Variants in MT1F observed in about 807,000 individuals in gnomAD.
The protein encoded by MT1F is metallothionein 1F.
MT1F carries 6 observed loss-of-function variants against 5.4 expected under a neutral mutation model. That is an observed-to-expected ratio of 1.11 (90% CI 0.61 to 2.19). The LOEUF is 2.19. Ranked by LOEUF, MT1F falls within the 30% of genes most tolerant of loss-of-function variation. The pLI, the probability that MT1F is intolerant of heterozygous loss-of-function variation, is 0.00. For synonymous variants in MT1F, 28 were observed against 28.3 expected (o/e 0.99, Z 0.04); for missense variants, 82 against 77.0 (o/e 1.07, Z -0.24).
intron 1 of MT1F, chr16:56,658,444 A>G: frequency 1.7e-6 from 1 of 602,898 alleles, no homozygotes; most frequent in Non-Finnish European, 2.9e-6. Flanking sequence ...CCGTCTTCCC[A>G]GGCTGTGCCT....
chr16:56,658,788 G>A, intron 2 of MT1F, 48 bp downstream of exon 2: 1 of 1,610,202 alleles, frequency 6.2e-7, no homozygotes, highest in Non-Finnish European at 8.5e-7. Context: ...CTAAGGTTGG[G>A]ATGGAACCCA....
chr16:56,659,195 CAG>C lies in MT1F; in HGVS notation c.*37_*38del. The C allele has an allele frequency of 1.9e-6, 3 of 1,609,738 alleles. No individual in the cohort carries two copies. The highest frequency in any genetic ancestry group is 1.3e-5 in the African/African-American group (1 of 74,912). On this transcript the variant is annotated 3_prime_UTR_variant, in exon 3 of 3. Transcript: ENST00000334350. ...GGACAACCTTTCTCCCAGATGTAAA[CAG>C]AGAGACATGTACAAACCTGGATTTT... is the stretch of plus-strand genomic sequence containing the variant.
At chr16:56,658,520 AG>A in intron 1 of MT1F, 154 bp from the exon 2 acceptor site, 1 of 727,230 alleles carries the variant, frequency 1.4e-6, no homozygotes, top group Non-Finnish European at 2.3e-6. Context: ...ATGAAGGGAG[AG>A]GACATGGGGC....
At chr16:56,659,011 G>C (rs541703187) in intron 2 of MT1F, 62 bp from the exon 3 acceptor site, 478 of 1,456,746 alleles carry the variant, frequency 3.3e-4, no homozygotes, top group Non-Finnish European at 4.4e-4. Context: ...GGGGGCCTCT[G>C]TTGGGGAGGG....
intron 2 of MT1F, 70 bp from the exon 3 acceptor site, chr16:56,659,003 G>A: frequency 2.9e-6 from 4 of 1,367,860 alleles, no homozygotes; most frequent in Middle Eastern, 2.3e-4. Flanking sequence ...GCTCTGTTGG[G>A]GGCCTCTGTT....
intron 1 of MT1F, chr16:56,658,328 G>T: frequency 3.4e-6 from 2 of 596,604 alleles, no homozygotes; most frequent in Non-Finnish European, 5.9e-6. Flanking sequence ...TTTGTCCCAG[G>T]GCTGTTGGCT....
intron 2 of MT1F, 123 bp downstream of exon 2, chr16:56,658,863 C>T: frequency 7.6e-7 from 1 of 1,312,388 alleles, no homozygotes; most frequent in African/African-American, 1.4e-5. Flanking sequence ...GTTGTCACTG[C>T]CTTTCTAGTC....
rs187324504 is a variant in MT1F at position 56,658,885 on chromosome 16, G to T, written c.94+145G>T. 21 of 1,193,516 alleles carry T rather than the reference G, an allele frequency of 1.8e-5. No homozygotes were observed. The African/African-American group carries it at 2.7e-4, about 15-fold the overall frequency. 73.9% of individuals were successfully genotyped at this position (1,193,516 alleles called of 1,614,324 possible). ...CTGCCTTTCTAGTCTTCTGCCCTGT[G>T]CAGGGCGCCTGGGCAGCTTTCTCAT... On this transcript the variant is annotated intron_variant, in intron 2 of 2. Coordinates refer to ENST00000334350, the MANE Select transcript of MT1F (RefSeq NM_005949.4).
intron 1 of MT1F, 31 bp downstream of exon 1, chr16:56,658,117 T>C (rs1258288871): frequency 6.2e-7 from 1 of 1,613,514 alleles, no homozygotes; most frequent in African/African-American, 1.3e-5. Context: ...TGCCTGGGGA[T>C]GCTCGATTCC....
intron 2 of MT1F, 31 bp downstream of exon 2, chr16:56,658,771 G>A: frequency 6.2e-7 from 1 of 1,613,800 alleles, no homozygotes. Context: ...ATGGTCTGGG[G>A]CTGTGGCTAA....
rs902318029 is a variant in MT1F, at chr16:56,657,975, G to A, written c.-84G>A. ...CCCCTGACTATCAAAGCAGCGGCCG[G>A]CTGTTGGGGTCCACCACGCCTTCCA... On this transcript the variant is annotated 5_prime_UTR_variant, in exon 1 of 3. Transcript: ENST00000334350. The A allele has an allele frequency of 5.6e-6, 8 of 1,437,662 alleles. No individual in the cohort carries two copies. Among genetic ancestry groups the A allele is most frequent in the Non-Finnish European group, 6.8e-6 (7 of 1,030,380 alleles). The allele number at this position is 1,437,662 out of a possible 1,614,324, so 89.1% of individuals were successfully genotyped here. A position where few individuals can be genotyped will look rare whatever the true frequency, so the allele number is the denominator to read the frequency against.
intron 2 of MT1F, 67 bp from the exon 3 acceptor site, chr16:56,659,006 C>T: frequency 2.9e-6 from 4 of 1,391,252 alleles, no homozygotes; most frequent in Non-Finnish European, 4.1e-6. Flanking sequence ...CTGTTGGGGG[C>T]CTCTGTTGGG....
At position 56,658,579 on chromosome 16, in the gene MT1F, C is replaced by T. The variant is rs568332991; in HGVS notation, c.29-96C>T. On this transcript the variant is annotated intron_variant, in intron 1 of 2. Transcript: ENST00000334350. ...GGAAAGGAGCTCTGAGGGCTGGCCCCGCACAGAGGAGGGGGCAATGGAGAC... is the reference window on the plus strand; with the variant it reads ...GGAAAGGAGCTCTGAGGGCTGGCCCTGCACAGAGGAGGGGGCAATGGAGAC... 4.7e-6 allele frequency: 6 copies of T among 1,286,914 alleles called. No homozygotes were observed. In the Admixed American group the frequency reaches 5.3e-5, roughly 11 times the overall value. 79.7% of individuals were successfully genotyped at this position (1,286,914 alleles called of 1,614,324 possible). A position where few individuals can be genotyped will look rare whatever the true frequency, so the allele number is the denominator to read the frequency against.
At chr16:56,658,621 G>C (rs1163467639) in intron 1 of MT1F, 54 bp from the exon 2 acceptor site, 2 of 1,584,240 alleles carry the variant, frequency 1.3e-6, no homozygotes, top group African/African-American at 2.7e-5. Flanking sequence ...ACTCACTGCT[G>C]TACCTCCTGC....
At chr16:56,658,635 TC>T (rs773234082) in intron 1 of MT1F, 39 bp from the exon 2 acceptor site, 2 of 1,609,838 alleles carry the variant, frequency 1.2e-6, no homozygotes, top group Non-Finnish European at 1.7e-6. Flanking sequence ...CTCCTGCAGG[TC>T]ACTCGCCGCT....
At chr16:56,658,184 T>C in intron 1 of MT1F, 98 bp downstream of exon 1, 1 of 1,364,402 alleles carries the variant, frequency 7.3e-7, no homozygotes, top group Non-Finnish European at 1.0e-6. Context: ...AGATCTCAAC[T>C]GTAGGGGACT....
chr16:56,658,330 C>T (rs1464802628), intron 1 of MT1F: 1 of 596,308 alleles, frequency 1.7e-6, no homozygotes, highest in Non-Finnish European at 3.0e-6. Context: ...TGTCCCAGGG[C>T]TGTTGGCTGA....
In MT1F at chr16:56,659,275, T is replaced by A; in HGVS notation, c.*111T>A. The A allele has an allele frequency of 9.8e-7, 1 of 1,016,944 alleles. No homozygotes were observed. The highest frequency in any genetic ancestry group is 1.5e-6 in the Non-Finnish European group (1 of 671,232). 63.0% of individuals were successfully genotyped at this position (1,016,944 alleles called of 1,614,324 possible). On this transcript the variant is annotated 3_prime_UTR_variant, in exon 3 of 3. Transcript: ENST00000334350. ...TACATTCCTTTTCCTGTGAAATATG[T>A]GAGTGATAATTAAACACTTTAGACC...
chr16:56,659,115 A>T lies in MT1F; in HGVS notation c.137A>T (p.Gln46Leu), dbSNP rs370251061. 14 of 1,613,968 alleles carry T rather than the reference A, an allele frequency of 8.7e-6. No individual in the cohort carries two copies. The African/African-American group carries it at 1.9e-4, about 22-fold the overall frequency. ...CCCGTGGGCTGTAGCAAGTGTGCCC[A>T]GGGCTGTGTTTGCAAAGGGGCGTCA... ...CCPVGCSKCA[Q>L]GCVCKGASEK... Residue 46 changes from glutamine to leucine, a missense_variant, in exon 3 of 3, where the codon CAG becomes CTG. By Grantham distance (113) the Gln-to-Leu change is moderately radical. Transcript: ENST00000334350.
Sources: allele counts gnomAD v4.1 joint callset, GRCh38; gene constraint gnomAD v4.1.1; transcripts MANE v1.5; gene names NCBI Gene and HGNC (gene_info 2026-07-23, HGNC 2026-07-21).